The following CFAP44 variants were observed in gnomAD, a reference collection of about 807,000 sequenced individuals.
CFAP44 encodes cilia- and flagella-associated protein 44.
Under a neutral mutation model 216.2 loss-of-function variants are expected in CFAP44, and 134 were observed. The observed-to-expected ratio is 0.62, with a 90% confidence interval of 0.54 to 0.72. The LOEUF (loss-of-function observed/expected upper bound fraction) is 0.72. Ranked by LOEUF, CFAP44 falls within the 30% of genes least tolerant of loss-of-function variation. The probability of loss-of-function intolerance (pLI) is 0.00; values close to 1 mark genes in which losing one functional copy is unlikely to be tolerated. For missense variants in CFAP44, 2,035 were observed against 2,182.1 expected (o/e 0.93, Z 1.34); for synonymous variants, 700 against 727.6 (o/e 0.96, Z 0.61).
chr3:113,386,879 G>C (rs541887796), intron 15 of CFAP44, among the ~76,000 whole-genome samples: 27 of 152,270 alleles, frequency 1.8e-4, no homozygotes, highest in Non-Finnish European at 2.9e-4. Flanking sequence ...TGGGTACTTG[G>C]GGGAAGGACA....
intron 6 of CFAP44, among the ~76,000 whole-genome samples, chr3:113,415,944 T>C (rs1037389419): frequency 6.6e-6 from 1 of 152,142 alleles, no homozygotes; most frequent in Non-Finnish European, 1.5e-5. Context: ...ATTGATTTAA[T>C]ATTGACAGTG....
At chr3:113,424,344 G>A (rs1245938310) in intron 4 of CFAP44, among the ~76,000 whole-genome samples, 1 of 152,182 alleles carries the variant, frequency 6.6e-6, no homozygotes, top group Non-Finnish European at 1.5e-5. Context: ...GCTGAGGCAG[G>A]AGAATTGCTT....
intron 32 of CFAP44, among the ~76,000 whole-genome samples, chr3:113,298,509 AG>A (rs1949903416): frequency 6.6e-6 from 1 of 152,266 alleles, no homozygotes; most frequent in Non-Finnish European, 1.5e-5. Flanking sequence ...AAATGGAAGC[AG>A]AGACATAAAG....
intron 1 of CFAP44, among the ~76,000 whole-genome samples, chr3:113,435,428 T>C (rs1282041119): frequency 6.6e-6 from 1 of 152,098 alleles, no homozygotes; most frequent in African/African-American, 2.4e-5. Context: ...AGAACTCACT[T>C]ACTATCACAA....
chr3:113,352,063 G>A (rs1031431946), intron 22 of CFAP44, among the ~76,000 whole-genome samples: 1 of 152,164 alleles, frequency 6.6e-6, no homozygotes, highest in Non-Finnish European at 1.5e-5. Flanking sequence ...CTGTTTAGAG[G>A]GGGGATTGAG....
intron 24 of CFAP44, among the ~76,000 whole-genome samples, chr3:113,335,643 T>C (rs1169897292): frequency 6.6e-6 from 1 of 152,166 alleles, no homozygotes; most frequent in African/African-American, 2.4e-5. Context: ...AGAGACCTTG[T>C]TGAGTACAGA....
At chr3:113,322,219 C>T (rs1477925054) in intron 28 of CFAP44, among the ~76,000 whole-genome samples, 5 of 152,156 alleles carry the variant, frequency 3.3e-5, no homozygotes, top group African/African-American at 1.2e-4. Flanking sequence ...TAAGGTTGTG[C>T]ACCTACAACC....
chr3:113,420,288 T>C, intron 4 of CFAP44, 109 bp from the exon 5 acceptor site: 1 of 1,121,240 alleles, frequency 8.9e-7, no homozygotes, highest in Non-Finnish European at 1.2e-6. Flanking sequence ...AGATGTGAGG[T>C]TGAAGTAGTT....
At chr3:113,348,274 C>T (rs1950408819) in intron 22 of CFAP44, among the ~76,000 whole-genome samples, 1 of 152,136 alleles carries the variant, frequency 6.6e-6, no homozygotes, top group Non-Finnish European at 1.5e-5. Flanking sequence ...TCAACAGGCT[C>T]ACCCTTGAAA....
chr3:113,401,818 T>G (rs1022358250), intron 9 of CFAP44, 79 bp from the exon 10 acceptor site: 1 of 1,435,430 alleles, frequency 7.0e-7, no homozygotes, highest in Non-Finnish European at 9.3e-7. Flanking sequence ...AAACCCTGAT[T>G]TTTTTTTCAA....
chr3:113,365,943 TA>T, intron 19 of CFAP44, 95 bp downstream of exon 19: 1 of 1,382,150 alleles, frequency 7.2e-7, no homozygotes, highest in East Asian at 2.4e-5. Context: ...TGAATGTGTC[TA>T]AATAACTTTT....
rs540023742 is a variant in CFAP44, at chr3:113,387,663, G to A, written c.1891-6603C>T. ...AGGACTCCTTCTGCTTGAGAAGTAC[G>A]GAGAGGGAAGAGTCAAGGGTATTTT... On this transcript the variant is annotated intron_variant, in intron 15 of 34. Transcript: ENST00000393845. Among the ~76,000 whole-genome samples, 171 of 152,082 alleles carry A rather than the reference G, an allele frequency of 1.1e-3. 2 individuals carry two copies. The highest frequency in any genetic ancestry group is 3.9e-3 in the African/African-American group (162 of 41,498).
intron 4 of CFAP44, among the ~76,000 whole-genome samples, chr3:113,422,834 T>C (rs1021673385): frequency 1.3e-5 from 2 of 152,206 alleles, no homozygotes; most frequent in East Asian, 3.8e-4. Flanking sequence ...TTATCATTTA[T>C]CTAATATTAT....
chr3:113,333,497 T>C lies in CFAP44; in HGVS notation c.3524A>G (p.Asn1175Ser). The C allele has an allele frequency of 6.5e-7, 1 of 1,537,152 alleles. No homozygotes were observed. The highest frequency in any genetic ancestry group is 8.7e-7 in the Non-Finnish European group (1 of 1,146,868). ...KEAQVYMGDF[N>S]LKTAPDYKIP... ...CTTGTAGTCTGGGGCTGTCTTCAGA[T>C]TGAAATCTCCCATATACACCTGGGC... Residue 1175 changes from asparagine (N) to serine (S), a missense_variant, in exon 25 of 35, where the codon AAT (asparagine) becomes AGT (serine). By Grantham distance (46) the Asn-to-Ser change is conservative (BLOSUM62 1). Around this residue, in one of 3 missense-constraint regions of CFAP44, gnomAD observed 1,883 missense variants for 2,023.7 expected, o/e 0.93. Coordinates refer to ENST00000393845, the MANE Select transcript of CFAP44 (RefSeq NM_001164496.2).
At chr3:113,350,407 A>G (rs1259200089) in intron 22 of CFAP44, among the ~76,000 whole-genome samples, 1 of 152,196 alleles carries the variant, frequency 6.6e-6, no homozygotes, top group Non-Finnish European at 1.5e-5. Context: ...AGAGACAGAC[A>G]AAGAGGGAGT....
chr3:113,342,408 C>T (rs1407746601), intron 23 of CFAP44, among the ~76,000 whole-genome samples: 1 of 152,080 alleles, frequency 6.6e-6, no homozygotes, highest in Non-Finnish European at 1.5e-5. Context: ...ATAATAAGTA[C>T]TGTGGAATGT....
At chr3:113,314,087 T>A (rs1232898477) in intron 28 of CFAP44, among the ~76,000 whole-genome samples, 3 of 152,052 alleles carry the variant, frequency 2.0e-5, no homozygotes, top group Non-Finnish European at 4.4e-5. Flanking sequence ...TAATGAAAGA[T>A]CTAATATTTA....
At chr3:113,362,998 T>C in intron 21 of CFAP44, 147 bp downstream of exon 21, 1 of 1,380,664 alleles carries the variant, frequency 7.2e-7, no homozygotes, top group Non-Finnish European at 9.3e-7. Context: ...AATTAAAAGA[T>C]GCCCAAAATA....
intron 1 of CFAP44, among the ~76,000 whole-genome samples, chr3:113,438,993 G>A (rs752109790): frequency 3.9e-5 from 6 of 152,124 alleles, no homozygotes; most frequent in Non-Finnish European, 5.9e-5. Flanking sequence ...CCAGAAGAGC[G>A]GAACTACCAA....
Sources: gnomAD v4.1 joint callset for allele counts (sites outside exome capture counted in the v4.1 genomes callset) on GRCh38, gnomAD v4.1.1 for gene constraint, gnomAD v4.1.1 regional missense constraint, MANE v1.5 for transcripts, NCBI Gene and HGNC (gene_info 2026-07-23, HGNC 2026-07-21) for gene names.